Variants in GRK7 observed in about 807,000 individuals in gnomAD.
The protein encoded by GRK7 is G protein-coupled receptor kinase 7.
In GRK7, 24 loss-of-function variants were observed where a neutral mutation model predicts 34.1. That is an observed-to-expected ratio of 0.70 (90% CI 0.51 to 0.99). GRK7 has a LOEUF of 0.99. Ranked by LOEUF, GRK7 falls within the 50% of genes least tolerant of loss-of-function variation. The pLI is 0.00. For missense variants in GRK7, 644 were observed against 707.3 expected (o/e 0.91, Z 1.02); for synonymous variants, 256 against 279.4 (o/e 0.92, Z 0.84).
Position 141,778,269 on chromosome 3 carries a change from C to A in GRK7, c.-16C>A. Reference sequence around the variant, plus strand: ...CCCTCTTGTGCTTTCCCTGGGAGTGCGCCCCGTGCTCAGCCATGGTGGACA... The same window carrying A: ...CCCTCTTGTGCTTTCCCTGGGAGTGAGCCCCGTGCTCAGCCATGGTGGACA... On this transcript the variant is annotated 5_prime_UTR_variant, in exon 3 of 6. Transcript: ENST00000682958. The surrounding 1 kb of genome is among the most constrained non-coding windows in gnomAD (Gnocchi z 4.1). 6.5e-7 allele frequency: 1 copy of A among 1,538,780 alleles called. No individual in the cohort carries two copies. Among genetic ancestry groups the A allele is most frequent in the Non-Finnish European group, 8.8e-7 (1 of 1,142,108 alleles).
intron 4 of GRK7, among the ~76,000 whole-genome samples, chr3:141,799,765 C>G (rs1037979802): frequency 1.3e-5 from 2 of 152,180 alleles, no homozygotes; most frequent in Non-Finnish European, 2.9e-5. Flanking sequence ...ACATAAAGCA[C>G]TACAGAAAAT....
chr3:141,785,737 C>T (rs994448461), intron 4 of GRK7, among the ~76,000 whole-genome samples: 6 of 150,424 alleles, frequency 4.0e-5, no homozygotes, highest in African/African-American at 1.2e-4. Flanking sequence ...GCACTCCAGC[C>T]TGGATGAAAG....
intron 2 of GRK7, among the ~76,000 whole-genome samples, chr3:141,777,710 T>C (rs1207733174): frequency 2.0e-5 from 3 of 151,728 alleles, no homozygotes; most frequent in East Asian, 1.9e-4. Flanking sequence ...CCTTAGGGCC[T>C]CTGGGAACAC....
intron 4 of GRK7, among the ~76,000 whole-genome samples, chr3:141,786,921 G>C (rs1292256205): frequency 6.6e-6 from 1 of 152,120 alleles, no homozygotes; most frequent in East Asian, 1.9e-4. Context: ...AAAGCACAGA[G>C]GGCCTCTGTG....
chr3:141,795,116 A>C (rs911123066), intron 4 of GRK7, among the ~76,000 whole-genome samples: 3 of 152,150 alleles, frequency 2.0e-5, no homozygotes, highest in African/African-American at 7.2e-5. Flanking sequence ...TTCCAAGGGG[A>C]AGGGACAACC....
At chr3:141,795,823 A>G (rs2084746393) in intron 4 of GRK7, among the ~76,000 whole-genome samples, 1 of 152,050 alleles carries the variant, frequency 6.6e-6, no homozygotes, top group African/African-American at 2.4e-5. Context: ...AGAAGGAGTT[A>G]GAATGAGCAC....
chr3:141,764,946 C>T lies in GRK7; in HGVS notation c.-1007C>T, dbSNP rs2084573263. Among the ~76,000 whole-genome samples the T allele has an allele frequency of 6.6e-6, 1 of 152,154 alleles. No individual in the cohort carries two copies. Among genetic ancestry groups the T allele is most frequent in the Non-Finnish European group, 1.5e-5 (1 of 68,030 alleles). On this transcript the variant is annotated 5_prime_UTR_variant, in exon 1 of 6. Coordinates refer to ENST00000682958, the MANE Select transcript of GRK7 (RefSeq NM_139209.3). Reference sequence around the variant, plus strand: ...TCCATCCATAAGCAAACTATCTTCCCCCTCCCCTGATTTCTCACCAGGGTT... The same window carrying T: ...TCCATCCATAAGCAAACTATCTTCCTCCTCCCCTGATTTCTCACCAGGGTT...
intron 5 of GRK7, among the ~76,000 whole-genome samples, chr3:141,816,266 T>C (rs1711152483): frequency 6.6e-6 from 1 of 152,170 alleles, no homozygotes. Context: ...GTAGAAATCA[T>C]ATCATATTAC....
chr3:141,769,426 T>C (rs1441969115), intron 1 of GRK7, among the ~76,000 whole-genome samples: 1 of 152,206 alleles, frequency 6.6e-6, no homozygotes, highest in Admixed American at 6.5e-5. Context: ...ACTCTATTCA[T>C]AAAGCAGCAG....
chr3:141,802,366 T>TCACACA (rs113029036), intron 4 of GRK7, among the ~76,000 whole-genome samples: 9,133 of 145,604 alleles, frequency 0.063, 499 homozygotes, highest in African/African-American at 0.15. Context: ...TCTTTCTCTG[T>TCACACA]CACACACACA....
intron 5 of GRK7, among the ~76,000 whole-genome samples, chr3:141,815,575 C>G (rs965282090): frequency 2.0e-5 from 3 of 152,094 alleles, no homozygotes; most frequent in Admixed American, 2.0e-4. Context: ...GGCATTCATA[C>G]TCATGTATAA....
intron 4 of GRK7, among the ~76,000 whole-genome samples, chr3:141,807,193 T>C (rs1287459509): frequency 6.6e-6 from 1 of 152,124 alleles, no homozygotes; most frequent in African/African-American, 2.4e-5. Flanking sequence ...CATATGAACA[T>C]TTAATATTAG....
At chr3:141,794,976 C>T (rs762006672) in intron 4 of GRK7, among the ~76,000 whole-genome samples, 3 of 151,996 alleles carry the variant, frequency 2.0e-5, no homozygotes, top group Admixed American at 6.6e-5. Context: ...CATGAAGTTC[C>T]AGGAGAGGAA....
intron 4 of GRK7, among the ~76,000 whole-genome samples, chr3:141,805,364 G>A (rs933139022): frequency 6.6e-6 from 1 of 152,186 alleles, no homozygotes; most frequent in Non-Finnish European, 1.5e-5. Context: ...TAAAAACATG[G>A]CATGCACCAG....
At position 141,778,821 on chromosome 3, in the gene GRK7, A is replaced by ATTTG; in HGVS notation, c.537_538insTTTG (p.Leu180PhefsTer15). ...TCTACGACAAGTTTCTGCAGTGGAA[A>ATTTG]CTCTTCGAGATGCAACCAGTGTCAG... On this transcript the variant is annotated frameshift_variant, in exon 3 of 6. Coordinates refer to ENST00000682958, the MANE Select transcript of GRK7 (RefSeq NM_139209.3). LOFTEE classifies it high-confidence loss of function. The surrounding 1 kb of genome is among the most constrained non-coding windows in gnomAD (Gnocchi z 4.1). 1 of 1,610,994 alleles carries ATTTG rather than the reference A, an allele frequency of 6.2e-7. No homozygotes were observed. Among genetic ancestry groups the ATTTG allele is most frequent in the Admixed American group, 1.7e-5 (1 of 59,416 alleles).
chr3:141,797,792 C>T (rs1285487227), intron 4 of GRK7, among the ~76,000 whole-genome samples: 1 of 152,032 alleles, frequency 6.6e-6, no homozygotes, highest in African/African-American at 2.4e-5. Flanking sequence ...AGGGAAGACA[C>T]GGCCGTTTCT....
intron 2 of GRK7, among the ~76,000 whole-genome samples, chr3:141,776,156 G>A (rs1478302060): frequency 2.0e-5 from 3 of 151,902 alleles, no homozygotes; most frequent in South Asian, 2.1e-4. Flanking sequence ...GCGCGGTGGC[G>A]GGCACCTGTA....
intron 5 of GRK7, among the ~76,000 whole-genome samples, chr3:141,812,030 A>T (rs1177977432): frequency 6.6e-6 from 1 of 152,246 alleles, no homozygotes; most frequent in Non-Finnish European, 1.5e-5. Flanking sequence ...GCAGAACAAC[A>T]GCAAATAATC....
intron 4 of GRK7, among the ~76,000 whole-genome samples, chr3:141,795,277 G>T (rs1422592565): frequency 6.6e-6 from 1 of 151,988 alleles, no homozygotes; most frequent in Admixed American, 6.6e-5. Flanking sequence ...GACAGTTTTG[G>T]TTGTCATGAC....
Sources: gnomAD v4.1 joint callset for allele counts (sites outside exome capture counted in the v4.1 genomes callset) on GRCh38, gnomAD v4.1.1 for gene constraint, Gnocchi (gnomAD v3.1) non-coding constraint, MANE v1.5 for transcripts, NCBI Gene and HGNC (gene_info 2026-07-23, HGNC 2026-07-21) for gene names.